PTPRT: variants seen among roughly 807,000 people sequenced by gnomAD.
PTPRT encodes the protein receptor-type tyrosine-protein phosphatase T.
Under a neutral mutation model 176.8 loss-of-function variants are expected in PTPRT, and 56 were observed. The ratio of observed to expected loss-of-function variants is 0.32; its 90% confidence interval spans 0.26 to 0.40. The LOEUF (loss-of-function observed/expected upper bound fraction) is 0.40, where lower values mean the gene tolerates loss of function less well. PTPRT is among the 10% of genes least tolerant of loss of function. The pLI is 1.00. For synonymous variants in PTPRT, 783 were observed against 739.0 expected (o/e 1.06, Z -0.96); for missense variants, 1,540 against 1,908.2 (o/e 0.81, Z 3.60).
At chr20:43,075,366 C>G (rs181752669) in intron 1 of PTPRT, among the ~76,000 whole-genome samples, 11 of 152,382 alleles carry the variant, frequency 7.2e-5, no homozygotes, top group Admixed American at 4.6e-4. Flanking sequence ...ACCCAGCCGT[C>G]GAGAGCTCCG....
At chr20:42,849,350 T>G (rs1475252875) in intron 2 of PTPRT, among the ~76,000 whole-genome samples, 3 of 152,234 alleles carry the variant, frequency 2.0e-5, no homozygotes, top group Admixed American at 1.3e-4. Context: ...CAGAGTTCCA[T>G]TGTTCTTTCA....
intron 1 of PTPRT, among the ~76,000 whole-genome samples, chr20:43,084,885 A>G (rs2011563467): frequency 6.6e-6 from 1 of 152,082 alleles, no homozygotes; most frequent in Non-Finnish European, 1.5e-5. Context: ...ACCTTTCTGT[A>G]TTTTTCTCTT....
chr20:42,814,575 G>T (rs1309089586), intron 2 of PTPRT, among the ~76,000 whole-genome samples: 1 of 152,178 alleles, frequency 6.6e-6, no homozygotes, highest in Admixed American at 6.5e-5. Flanking sequence ...ATTATAAAAT[G>T]TTAGCACTTA....
At chr20:42,047,764 AC>A in the PTPRT span, among the ~76,000 whole-genome samples, 2 of 152,036 alleles carry the variant, frequency 1.3e-5, no homozygotes, top group South Asian at 4.2e-4. Context: ...TTTCTGGGAG[AC>A]ACTGGGCCCT....
At chr20:42,053,935 T>A in the PTPRT span, among the ~76,000 whole-genome samples, 2 of 152,018 alleles carry the variant, frequency 1.3e-5, no homozygotes, top group South Asian at 2.1e-4. Flanking sequence ...TTCATCAGAT[T>A]TGGGGGTCAG....
intron 9 of PTPRT, among the ~76,000 whole-genome samples, chr20:42,413,271 C>A (rs1464988485): frequency 6.6e-6 from 1 of 152,158 alleles, no homozygotes; most frequent in East Asian, 1.9e-4. Flanking sequence ...ATAAGAATAT[C>A]AAGAATATCC....
intron 1 of PTPRT, among the ~76,000 whole-genome samples, chr20:43,161,549 A>T (rs1031981935): frequency 2.0e-5 from 3 of 152,182 alleles, no homozygotes; most frequent in Non-Finnish European, 4.4e-5. Flanking sequence ...TTTGACTCAG[A>T]GTTTCATGGA....
At chr20:43,164,246 T>G (rs767646185) in intron 1 of PTPRT, among the ~76,000 whole-genome samples, 9 of 152,212 alleles carry the variant, frequency 5.9e-5, no homozygotes, top group Non-Finnish European at 7.3e-5. Flanking sequence ...TAGCAGAGGA[T>G]TCGGCACTGG....
chr20:43,012,129 C>T (rs201704583), intron 1 of PTPRT, among the ~76,000 whole-genome samples: 6 of 152,152 alleles, frequency 3.9e-5, no homozygotes, highest in African/African-American at 1.4e-4. Context: ...CACCTTGTGA[C>T]CATGTGAGTC....
chr20:42,645,939 T>G (rs1327253324), intron 7 of PTPRT, among the ~76,000 whole-genome samples: 1 of 151,998 alleles, frequency 6.6e-6, no homozygotes, highest in Non-Finnish European at 1.5e-5. Flanking sequence ...TCTCAATAGG[T>G]CTATTTTGAT....
intron 1 of PTPRT, among the ~76,000 whole-genome samples, chr20:42,995,077 C>T (rs533541262): frequency 6.6e-6 from 1 of 152,306 alleles, no homozygotes; most frequent in East Asian, 1.9e-4. Flanking sequence ...TGAGGCCTAC[C>T]AGGACATGAC....
At chr20:42,891,581 T>C (rs1280095164) in intron 1 of PTPRT, among the ~76,000 whole-genome samples, 1 of 152,162 alleles carries the variant, frequency 6.6e-6, no homozygotes, top group African/African-American at 2.4e-5. Context: ...AAAGCATAAA[T>C]AAAGTTTATA....
chr20:42,070,226 G>T (rs1982266395), downstream of PTPRT, among the ~76,000 whole-genome samples: 1 of 151,790 alleles, frequency 6.6e-6, no homozygotes, highest in Admixed American at 6.6e-5. Context: ...CCAGGAATCT[G>T]AGGGCTTCTA....
At chr20:43,132,974 G>A (rs1219541587) in intron 1 of PTPRT, among the ~76,000 whole-genome samples, 1 of 152,144 alleles carries the variant, frequency 6.6e-6, no homozygotes, top group Admixed American at 6.5e-5. Flanking sequence ...GGTTCTTAAC[G>A]TGAAACCAAG....
At chr20:42,644,913 C>T (rs2074854017) in intron 7 of PTPRT, among the ~76,000 whole-genome samples, 1 of 152,148 alleles carries the variant, frequency 6.6e-6, no homozygotes, top group South Asian at 2.1e-4. Flanking sequence ...AAAGCCTTGC[C>T]ATCACTCCCA....
At chr20:42,961,074 T>A (rs990243614) in intron 1 of PTPRT, among the ~76,000 whole-genome samples, 29 of 152,088 alleles carry the variant, frequency 1.9e-4, no homozygotes, top group Middle Eastern at 3.4e-3. Flanking sequence ...ATTCTTTTTT[T>A]AAAAAAATGA....
intron 13 of PTPRT, among the ~76,000 whole-genome samples, chr20:42,259,436 GGTTTCAC>G (rs1196268674): frequency 3.3e-5 from 5 of 152,174 alleles, no homozygotes; most frequent in Non-Finnish European, 7.4e-5. Flanking sequence ...TCCTTTTAAA[GGTTTCAC>G]CGTTGGTGAG....
At position 42,472,360 on chromosome 20, in the gene PTPRT, C is replaced by T; in HGVS notation, c.1356G>A (p.Leu452=). The T allele has an allele frequency of 1.2e-6, 2 of 1,614,232 alleles. No homozygotes were observed. The highest frequency in any genetic ancestry group is 1.7e-6 in the Non-Finnish European group (2 of 1,180,042). The change falls in exon 8 of 31, where the codon CTG becomes CTA. Residue 452 remains leucine, a synonymous_variant. Coordinates refer to ENST00000373187, the MANE Select transcript of PTPRT (RefSeq NM_007050.6). ...GCAGCCGGATGGTCATGAAGGGGCG[C>T]AGGCCTCGCAGGGTGTAGTGGGAGG... ...QTSSHYTLRG[L]RPFMTIRLRL...
chr20:42,549,419 T>A lies in PTPRT; in HGVS notation c.1154-76857A>T, dbSNP rs188874135. Among the ~76,000 whole-genome samples the A allele has an allele frequency of 1.3e-3, 193 of 152,152 alleles. 1 individual carries two copies. Among genetic ancestry groups the A allele is most frequent in the African/African-American group, 4.0e-3 (165 of 41,512 alleles). On this transcript the variant is annotated intron_variant, in intron 7 of 30. Coordinates refer to ENST00000373187, the MANE Select transcript of PTPRT (RefSeq NM_007050.6). ...CAAACAAAGCAGTGTAAATTAAATG[T>A]ATTAAGTGGGCAGTGGGGTTGGGGA... is the stretch of plus-strand genomic sequence containing the variant.
Sources: allele counts gnomAD v4.1 joint callset (sites outside exome capture counted in the v4.1 genomes callset), GRCh38; gene constraint gnomAD v4.1.1; transcripts MANE v1.5; gene names NCBI Gene and HGNC (gene_info 2026-07-23, HGNC 2026-07-21).